FCHSD2: variants seen among roughly 807,000 people sequenced by gnomAD.
FCHSD2 encodes F-BAR and double SH3 domains protein 2.
FCHSD2 carries 38 observed loss-of-function variants against 108.1 expected under a neutral mutation model. The ratio of observed to expected loss-of-function variants is 0.35; its 90% confidence interval spans 0.27 to 0.46. FCHSD2 has a LOEUF of 0.46. Ranked by LOEUF, FCHSD2 falls within the 20% of genes least tolerant of loss-of-function variation. The pLI is 1.00. For missense variants in FCHSD2, 751 were observed against 897.8 expected (o/e 0.84, Z 2.09); for synonymous variants, 279 against 314.7 (o/e 0.89, Z 1.20).
chr11:73,130,590 T>A (rs1411341882), intron 2 of FCHSD2, among the ~76,000 whole-genome samples: 5 of 152,190 alleles, frequency 3.3e-5, no homozygotes, highest in African/African-American at 1.2e-4. Context: ...GATTTCTGAA[T>A]AATGGCTTAG....
chr11:72,869,191 G>A (rs1854796803), intron 12 of FCHSD2, among the ~76,000 whole-genome samples: 1 of 152,138 alleles, frequency 6.6e-6, no homozygotes, highest in Middle Eastern at 3.2e-3. Flanking sequence ...ACAGGCATGA[G>A]CCACCTCACC....
rs191857841 is a variant in FCHSD2 at position 72,863,534 on chromosome 11, T to C, written c.1308+4331A>G. 2.6e-5 allele frequency among the ~76,000 whole-genome samples: 4 copies of C among 152,170 alleles called. No individual in the cohort carries two copies. In the East Asian group the frequency reaches 7.7e-4, roughly 29 times the overall value. ...CATTAAAATTAAAAATTTGTGCTCT[T>C]TGAAAGGTATTAAGGAAATAAAAAA... On this transcript the variant is annotated intron_variant, in intron 13 of 19. Coordinates refer to ENST00000409418, the MANE Select transcript of FCHSD2 (RefSeq NM_014824.3).
At chr11:72,967,287 C>T (rs1856928107) in intron 8 of FCHSD2, among the ~76,000 whole-genome samples, 2 of 151,664 alleles carry the variant, frequency 1.3e-5, no homozygotes, top group South Asian at 4.2e-4. Context: ...GTAAAAAGAC[C>T]CTTGTGTAGT....
In FCHSD2 at chr11:72,867,810, TCAAA is replaced by T; in HGVS notation, c.1308+51_1308+54del. The T allele has an allele frequency of 2.0e-6, 3 of 1,526,384 alleles. No individual in the cohort carries two copies. The African/African-American group carries it at 4.1e-5, about 21-fold the overall frequency. 94.6% of individuals were successfully genotyped at this position (1,526,384 alleles called of 1,614,324 possible). ...GCTATTATTAAGTTTGACTACAGAG[TCAAA>T]GCATGCTTCAGTGAAAATCAACTTG... On this transcript the variant is annotated intron_variant, in intron 13 of 19. Coordinates refer to ENST00000409418, the MANE Select transcript of FCHSD2 (RefSeq NM_014824.3).
rs372685355 is a variant in FCHSD2, at chr11:72,841,611, G to A, written c.1927-28C>T. 40 of 1,568,550 alleles carry A rather than the reference G, an allele frequency of 2.6e-5. 1 individual carries two copies. In the East Asian group the frequency reaches 2.7e-4, roughly 11 times the overall value. On this transcript the variant is annotated intron_variant, in intron 17 of 19. Transcript: ENST00000409418. Reference sequence around the variant, plus strand: ...GCAGCAAAGGGAAGCGAGGTTACCCGGTGCTCCCCTCCAGGAAGGAGAGCC... The same window carrying A: ...GCAGCAAAGGGAAGCGAGGTTACCCAGTGCTCCCCTCCAGGAAGGAGAGCC...
Position 72,838,559 on chromosome 11 carries a change from C to T in FCHSD2, c.*232G>A, listed in dbSNP as rs1280563643. The stretch of plus-strand genomic sequence containing the variant: ...CCCCCCTCTTTGCTCCTAGGGTCCG[C>T]TAGGATTTGTGCTATGGTAGGAGAA... On this transcript the variant is annotated 3_prime_UTR_variant, in exon 20 of 20. Transcript: ENST00000409418. 1 of 560,164 alleles carries T rather than the reference C, an allele frequency of 1.8e-6. No homozygotes were observed. The highest frequency in any genetic ancestry group is 3.2e-6 in the Non-Finnish European group (1 of 312,032). The allele number at this position is 560,164 out of a possible 1,614,324, so 34.7% of individuals were successfully genotyped here.
rs369207284 is a variant in FCHSD2 at position 72,906,138 on chromosome 11, T to C, written c.829-3500A>G. ...TAATGATCGCCATTCTGTTGTGACA[T>C]AGTATCTCATTGTGGTTTTGATTTG... is the stretch of plus-strand genomic sequence containing the variant. On this transcript the variant is annotated intron_variant, in intron 9 of 19. Transcript: ENST00000409418. Among the ~76,000 whole-genome samples the C allele has an allele frequency of 5.3e-5, 8 of 152,222 alleles. 1 individual carries two copies. In the East Asian group the frequency reaches 5.8e-4, roughly 11 times the overall value.
intron 2 of FCHSD2, among the ~76,000 whole-genome samples, chr11:73,122,364 A>G (rs1418616539): frequency 6.6e-6 from 1 of 152,192 alleles, no homozygotes; most frequent in Non-Finnish European, 1.5e-5. Flanking sequence ...CTGCAGCTGA[A>G]TGCACCCTGA....
chr11:72,946,051 T>C (rs1435518552), intron 8 of FCHSD2, among the ~76,000 whole-genome samples: 2 of 152,148 alleles, frequency 1.3e-5, no homozygotes, highest in Non-Finnish European at 2.9e-5. Context: ...ACCGAGTATA[T>C]ACTCAAAGGA....
At chr11:73,059,644 A>G (rs994706762) in intron 3 of FCHSD2, among the ~76,000 whole-genome samples, 6 of 152,222 alleles carry the variant, frequency 3.9e-5, no homozygotes, top group African/African-American at 1.4e-4. Flanking sequence ...AGTTTTATGT[A>G]TCCTGGTACC....
At chr11:73,051,868 A>AACACACACAC (rs61511109) in intron 3 of FCHSD2, among the ~76,000 whole-genome samples, 5 of 141,814 alleles carry the variant, frequency 3.5e-5, no homozygotes, top group East Asian at 2.1e-4. Context: ...ACGGTATATA[A>AACACACACAC]ACACACACAC....
intron 3 of FCHSD2, among the ~76,000 whole-genome samples, chr11:73,056,416 A>T (rs114328398): frequency 1.2e-4 from 19 of 152,312 alleles, no homozygotes; most frequent in African/African-American, 4.6e-4. Context: ...CCCAAAATGT[A>T]ATCTTTTTAA....
intron 2 of FCHSD2, among the ~76,000 whole-genome samples, chr11:73,095,941 C>T (rs1860062687): frequency 6.6e-6 from 1 of 151,586 alleles, no homozygotes; most frequent in Non-Finnish European, 1.5e-5. Context: ...ACAAAACCTG[C>T]TCACAAACAA....
chr11:73,088,038 T>C (rs1859864906), intron 2 of FCHSD2, among the ~76,000 whole-genome samples: 1 of 152,154 alleles, frequency 6.6e-6, no homozygotes, highest in African/African-American at 2.4e-5. Flanking sequence ...TGCCACCACA[T>C]GTGGCTAATT....
intron 3 of FCHSD2, among the ~76,000 whole-genome samples, chr11:73,040,032 C>T (rs909683616): frequency 6.6e-6 from 1 of 152,132 alleles, no homozygotes; most frequent in Non-Finnish European, 1.5e-5. Context: ...GGAGGACTTA[C>T]GTTGAACACA....
At chr11:73,058,790 A>G (rs1859094194) in intron 3 of FCHSD2, among the ~76,000 whole-genome samples, 1 of 151,470 alleles carries the variant, frequency 6.6e-6, no homozygotes, top group South Asian at 2.1e-4. Context: ...CTGGTCTTGA[A>G]CTTCTGACCT....
intron 8 of FCHSD2, among the ~76,000 whole-genome samples, chr11:72,976,554 A>T (rs1857107751): frequency 6.6e-6 from 1 of 152,138 alleles, no homozygotes; most frequent in Non-Finnish European, 1.5e-5. Flanking sequence ...TGCTGGGATG[A>T]CAGGTGTAAG....
At chr11:72,897,908 GA>G (rs1253992951) in intron 10 of FCHSD2, among the ~76,000 whole-genome samples, 8 of 152,134 alleles carry the variant, frequency 5.3e-5, no homozygotes, top group African/African-American at 1.9e-4. Flanking sequence ...ACTTTTTCTA[GA>G]AAGAGCTCTG....
At chr11:72,994,398 TAGC>T (rs1354115238) in intron 5 of FCHSD2, among the ~76,000 whole-genome samples, 1 of 152,130 alleles carries the variant, frequency 6.6e-6, no homozygotes, top group African/African-American at 2.4e-5. Flanking sequence ...GTAGTAGTAG[TAGC>T]AGCAGCAGCA....
Sources: allele counts gnomAD v4.1 joint callset (sites outside exome capture counted in the v4.1 genomes callset), GRCh38; gene constraint gnomAD v4.1.1; transcripts MANE v1.5; gene names NCBI Gene and HGNC (gene_info 2026-07-23, HGNC 2026-07-21).